Variants in COLEC10 observed in about 807,000 individuals in gnomAD.
COLEC10 encodes collectin-10.
COLEC10 carries 22 observed loss-of-function variants against 28.4 expected under a neutral mutation model. That is an observed-to-expected ratio of 0.78 (90% confidence interval 0.55 to 1.11). COLEC10 has a LOEUF of 1.11. COLEC10 is among the 50% of genes least tolerant of loss of function. The probability of loss-of-function intolerance (pLI) is 0.00; values close to 1 mark genes in which losing one functional copy is unlikely to be tolerated. For synonymous variants in COLEC10, 125 were observed against 116.1 expected, an observed-to-expected ratio of 1.08 and a Z score of -0.49; for missense variants, 361 against 344.1, an observed-to-expected ratio of 1.05 and a Z score of -0.39.
chr8:119,020,840 T>C (rs1323659032), intron 2 of COLEC10, among the ~76,000 whole-genome samples: 1 of 152,182 alleles, frequency 6.6e-6, no homozygotes, highest in Non-Finnish European at 1.5e-5. Context: ...ATAACCCCTT[T>C]TATTATGCTA....
chr8:118,980,202 CTTT>C, the COLEC10 span, among the ~76,000 whole-genome samples: 17 of 137,076 alleles, frequency 1.2e-4, no homozygotes, highest in Non-Finnish European at 1.1e-4. Context: ...ATAAAACATT[CTTT>C]TTTTTTTTTT....
intron 2 of COLEC10, among the ~76,000 whole-genome samples, chr8:119,052,386 A>G (rs922510037): frequency 3.9e-5 from 6 of 152,104 alleles, no homozygotes; most frequent in Non-Finnish European, 7.4e-5. Context: ...AAGAGTTATT[A>G]CAGGTCCTTT....
chr8:119,067,489 G>C, intron 1 of COLEC10, 60 bp downstream of exon 1: 1 of 1,482,922 alleles, frequency 6.7e-7, no homozygotes, highest in Non-Finnish European at 9.3e-7. Context: ...CCTCATCTCT[G>C]AACCCCTTCC....
At chr8:119,095,356 T>C (rs1815690475) in intron 3 of COLEC10, among the ~76,000 whole-genome samples, 1 of 152,192 alleles carries the variant, frequency 6.6e-6, no homozygotes, top group African/African-American at 2.4e-5. Context: ...ATATTGTTAA[T>C]ATGCCAGTTC....
At chr8:118,981,789 T>G in the COLEC10 span, among the ~76,000 whole-genome samples, 6 of 152,126 alleles carry the variant, frequency 3.9e-5, no homozygotes, top group Non-Finnish European at 8.8e-5. Flanking sequence ...TTGATGTATT[T>G]TAGGCCCAGG....
chr8:119,082,814 G>T (rs757578335), intron 1 of COLEC10, among the ~76,000 whole-genome samples: 1 of 152,154 alleles, frequency 6.6e-6, no homozygotes, highest in Non-Finnish European at 1.5e-5. Flanking sequence ...AGTTTATTCT[G>T]GTGGAGCTCA....
intron 1 of COLEC10, among the ~76,000 whole-genome samples, chr8:118,998,697 A>AAT (rs61657337): frequency 3.3e-5 from 5 of 150,530 alleles, no homozygotes; most frequent in African/African-American, 1.2e-4. Flanking sequence ...AAAAAAAAAA[A>AAT]TTAGCCAGGC....
At chr8:119,050,115 T>C (rs937667291) in intron 2 of COLEC10, among the ~76,000 whole-genome samples, 7 of 152,214 alleles carry the variant, frequency 4.6e-5, no homozygotes, top group African/African-American at 1.7e-4. Flanking sequence ...ATTTAGTTCA[T>C]ACATGTAAAG....
chr8:118,985,725 T>G, the COLEC10 span, among the ~76,000 whole-genome samples: 1 of 151,908 alleles, frequency 6.6e-6, no homozygotes, highest in East Asian at 1.9e-4. Context: ...AAATCAGTGG[T>G]CTAGAAATTA....
chr8:119,004,726 T>C (rs1813759102), intron 1 of COLEC10, among the ~76,000 whole-genome samples: 1 of 151,640 alleles, frequency 6.6e-6, no homozygotes, highest in African/African-American at 2.4e-5. Flanking sequence ...TTCTAATCTG[T>C]TTCTAACTTG....
chr8:119,016,134 GC>G (rs746157171), intron 2 of COLEC10, among the ~76,000 whole-genome samples: 1 of 151,972 alleles, frequency 6.6e-6, no homozygotes, highest in Non-Finnish European at 1.5e-5. Context: ...TAAGTTTTAA[GC>G]CCCACATGCA....
intron 2 of COLEC10, among the ~76,000 whole-genome samples, chr8:119,013,611 T>G (rs1168147642): frequency 1.3e-5 from 2 of 150,904 alleles, no homozygotes; most frequent in Non-Finnish European, 2.9e-5. Flanking sequence ...ATTAATCAAT[T>G]TCTTCTTGAT....
chr8:119,105,724 C>A lies in COLEC10; in HGVS notation c.443-76C>A, dbSNP rs574300596. Reference sequence around the variant, plus strand: ...GAATATTGAATAAATAAATGTAAATCTGGCAATATCATATAATTTTGTTGC... The same window carrying A: ...GAATATTGAATAAATAAATGTAAATATGGCAATATCATATAATTTTGTTGC... On this transcript the variant is annotated intron_variant, in intron 5 of 5. Transcript: ENST00000332843. 2.2e-5 allele frequency: 27 copies of A among 1,226,962 alleles called. No individual in the cohort carries two copies. The South Asian group carries it at 3.9e-4, about 18-fold the overall frequency. 76.0% of individuals were successfully genotyped at this position (1,226,962 alleles called of 1,614,324 possible).
chr8:119,076,966 T>C (rs770456729), intron 1 of COLEC10, among the ~76,000 whole-genome samples: 14 of 152,176 alleles, frequency 9.2e-5, no homozygotes, highest in Middle Eastern at 3.2e-3. Context: ...GGGACTTTGA[T>C]ACACCATAAA....
intron 1 of COLEC10, among the ~76,000 whole-genome samples, chr8:119,001,583 A>C (rs891220276): frequency 3.9e-5 from 6 of 152,132 alleles, no homozygotes; most frequent in African/African-American, 1.4e-4. Context: ...GCTCAATAAA[A>C]ACTTGGTAAT....
At position 119,103,623 on chromosome 8, in the gene COLEC10, C is replaced by A. The variant is rs972026173; in HGVS notation, c.347-177C>A. Among the ~76,000 whole-genome samples, 6 of 152,020 alleles carry A rather than the reference C, an allele frequency of 3.9e-5. No individual in the cohort carries two copies. In the South Asian group the frequency reaches 8.3e-4, roughly 21 times the overall value. On this transcript the variant is annotated intron_variant, in intron 4 of 5. Coordinates refer to ENST00000332843, the MANE Select transcript of COLEC10 (RefSeq NM_006438.5). ...CATTTACAAGATATTTTCTGAAATT[C>A]TATAAATAATGTAAATTGGAAACCT...
intron 2 of COLEC10, among the ~76,000 whole-genome samples, chr8:119,010,196 C>T (rs1217733975): frequency 1.3e-5 from 2 of 150,764 alleles, no homozygotes; most frequent in Non-Finnish European, 2.9e-5. Flanking sequence ...TAACCCCTGG[C>T]AGCCACTGAT....
rs1563739053 is a variant in COLEC10, at chr8:119,085,599, C to CTTCTTTTTTTT, written c.149-4079_149-4078insCTTTTTTTTTT. ...TTCTTTCTTCTTCTTTCTTCTTCTT[C>CTTCTTTTTTTT]TTTTTTTTTTTTTTTTTTTTTTTGT... is the stretch of plus-strand genomic sequence containing the variant. On this transcript the variant is annotated intron_variant, in intron 1 of 5. Coordinates refer to ENST00000332843, the MANE Select transcript of COLEC10 (RefSeq NM_006438.5). 1.4e-4 allele frequency among the ~76,000 whole-genome samples: 9 copies of CTTCTTTTTTTT among 63,554 alleles called. No individual in the cohort carries two copies. The East Asian group carries it at 2.4e-3, about 17-fold the overall frequency. The allele number at this position is 63,554 out of a possible 152,430, so 41.7% of individuals were successfully genotyped here. A position where few individuals can be genotyped will look rare whatever the true frequency, so the allele number is the denominator to read the frequency against.
At chr8:119,033,781 A>T (rs1310753105) in intron 2 of COLEC10, among the ~76,000 whole-genome samples, 1 of 152,364 alleles carries the variant, frequency 6.6e-6, no homozygotes, top group East Asian at 1.9e-4. Flanking sequence ...GAATGCTTTT[A>T]TACTGTTGGT....
Sources: allele counts gnomAD v4.1 joint callset (sites outside exome capture counted in the v4.1 genomes callset), GRCh38; gene constraint gnomAD v4.1.1; transcripts MANE v1.5; gene names NCBI Gene and HGNC (gene_info 2026-07-23, HGNC 2026-07-21).